The following MPPED2 variants were observed in gnomAD, a reference collection of about 807,000 sequenced individuals.
MPPED2 encodes metallophosphoesterase domain containing 2, also known as metallophosphoesterase MPPED2.
A neutral mutation model predicts 33.0 loss-of-function variants in MPPED2; 5 were observed. That is an observed-to-expected ratio of 0.15 (90% confidence interval 0.08 to 0.32). The LOEUF (loss-of-function observed/expected upper bound fraction) is 0.32, where lower values mean the gene tolerates loss of function less well. Among genes scored for constraint, MPPED2 ranks in the 10% least tolerant of loss-of-function variants. The probability of loss-of-function intolerance (pLI) is 1.00; values close to 1 mark genes in which losing one functional copy is unlikely to be tolerated. For synonymous variants in MPPED2, 136 were observed against 141.9 expected, an observed-to-expected ratio of 0.96 and a Z score of 0.29; for missense variants, 275 against 372.1, an observed-to-expected ratio of 0.74 and a Z score of 2.15.
Position 30,500,792 on chromosome 11 carries a change from G to A in MPPED2, c.311-5271C>T, listed in dbSNP as rs146032572. ...TTATTGACCCAAAGTACCTAGTCCC[G>A]TATCTTCAAAATGGCAGACACACAA... On this transcript the variant is annotated intron_variant, in intron 3 of 6. Coordinates refer to ENST00000358117, the MANE Select transcript of MPPED2 (RefSeq NM_001584.3). 8.7e-3 allele frequency among the ~76,000 whole-genome samples: 1,324 copies of A among 152,208 alleles called. 7 individuals carry two copies. The highest frequency in any genetic ancestry group is 0.024 in the South Asian group (117 of 4,812).
intron 2 of MPPED2, among the ~76,000 whole-genome samples, chr11:30,578,913 T>C (rs1188265739): frequency 6.6e-6 from 1 of 152,164 alleles, no homozygotes; most frequent in Non-Finnish European, 1.5e-5. Context: ...TTAGCGATCC[T>C]TCATAATCAT....
chr11:30,386,658 C>T, exon 7 of MPPED2: 1 of 398,368 alleles, frequency 2.5e-6, no homozygotes, highest in Non-Finnish European at 4.4e-6. Context: ...ATTTGGATCC[C>T]AAATAAATGA....
intron 4 of MPPED2, chr11:30,428,983 T>C (rs1948963005): frequency 6.6e-6 from 1 of 152,190 alleles, no homozygotes; most frequent in South Asian, 2.1e-4. Flanking sequence ...AGGATGTGGA[T>C]ACCAAAGAAT....
chr11:30,500,680 C>T (rs1366555430), intron 3 of MPPED2, among the ~76,000 whole-genome samples: 1 of 152,194 alleles, frequency 6.6e-6, no homozygotes, highest in Non-Finnish European at 1.5e-5. Context: ...TGCACGTTCA[C>T]TATTATTACT....
chr11:30,554,342 T>C (rs1378450450), intron 2 of MPPED2, among the ~76,000 whole-genome samples: 1 of 152,186 alleles, frequency 6.6e-6, no homozygotes, highest in Non-Finnish European at 1.5e-5. Flanking sequence ...TCTGCCTCTT[T>C]CCTGTTGTTA....
chr11:30,456,327 C>T (rs1207113489), intron 4 of MPPED2, among the ~76,000 whole-genome samples: 2 of 152,138 alleles, frequency 1.3e-5, no homozygotes, highest in East Asian at 3.9e-4. Context: ...GGACACATAT[C>T]CTTAACTGAT....
chr11:30,515,263 G>A (rs1191318249), intron 3 of MPPED2, among the ~76,000 whole-genome samples: 1 of 152,158 alleles, frequency 6.6e-6, no homozygotes, highest in African/African-American at 2.4e-5. Flanking sequence ...ATAGGAGTAT[G>A]CAGAATATAT....
At chr11:30,548,874 C>T (rs1365366289) in intron 2 of MPPED2, among the ~76,000 whole-genome samples, 3 of 152,138 alleles carry the variant, frequency 2.0e-5, no homozygotes, top group African/African-American at 7.2e-5. Flanking sequence ...TTTGTTAAAG[C>T]TTGTGCCTCT....
At chr11:30,543,828 C>A (rs1955267392) in intron 2 of MPPED2, among the ~76,000 whole-genome samples, 1 of 117,802 alleles carries the variant, frequency 8.5e-6, no homozygotes. Context: ...AAACTAGGAG[C>A]TGGTAAAATT....
At chr11:30,486,759 T>C (rs7931080) in intron 4 of MPPED2, among the ~76,000 whole-genome samples, 11,792 of 152,228 alleles carry the variant, frequency 0.077, 1,465 homozygotes, top group African/African-American at 0.26. Flanking sequence ...TTTCTGAGTG[T>C]TCAGGAAGAA....
chr11:30,428,756 G>A (rs1235222805), intron 4 of MPPED2, among the ~76,000 whole-genome samples: 1 of 152,156 alleles, frequency 6.6e-6, no homozygotes, highest in East Asian at 1.9e-4. Flanking sequence ...ATACACGTAT[G>A]TTGTGCAGAT....
intron 2 of MPPED2, among the ~76,000 whole-genome samples, chr11:30,542,139 C>G (rs1466741987): frequency 6.6e-6 from 1 of 152,192 alleles, no homozygotes; most frequent in Non-Finnish European, 1.5e-5. Context: ...ATCCTGTGTT[C>G]CACTTCTTTG....
chr11:30,452,931 C>A (rs581066), intron 4 of MPPED2, among the ~76,000 whole-genome samples: 17,700 of 151,880 alleles, frequency 0.12, 1,367 homozygotes, highest in South Asian at 0.24. Context: ...GGAGACATTG[C>A]AGAAAGGGCC....
intron 3 of MPPED2, among the ~76,000 whole-genome samples, chr11:30,505,414 A>G (rs111723939): frequency 1.4e-4 from 22 of 152,288 alleles, no homozygotes; most frequent in African/African-American, 5.3e-4. Context: ...TGCCACCCAA[A>G]TCAACATGGC....
rs572406783 is a variant in MPPED2, at chr11:30,447,891, C to T, written c.537-30258G>A. Among the ~76,000 whole-genome samples, 14 of 152,250 alleles carry T rather than the reference C, an allele frequency of 9.2e-5. No individual in the cohort carries two copies. In the East Asian group the frequency reaches 1.7e-3, roughly 19 times the overall value. ...TACCATCCAGTACTACATTTATGAT[C>T]TTAGGGAGCAGATCCCCTTAAGAAT... is the stretch of plus-strand genomic sequence containing the variant. On this transcript the variant is annotated intron_variant, in intron 4 of 6. Coordinates refer to ENST00000358117, the MANE Select transcript of MPPED2 (RefSeq NM_001584.3).
intron 6 of MPPED2, among the ~76,000 whole-genome samples, chr11:30,396,367 G>GGTTTTTCTTAAATTTTT (rs1947840294): frequency 6.6e-6 from 1 of 152,116 alleles, no homozygotes; most frequent in Non-Finnish European, 1.5e-5. Flanking sequence ...TATACCTGCA[G>GGTTTTTCTTAAATTTTT]TTTTTCTTAA....
At chr11:30,433,254 C>CCA (rs1408458868) in intron 4 of MPPED2, among the ~76,000 whole-genome samples, 1 of 152,162 alleles carries the variant, frequency 6.6e-6, no homozygotes, top group African/African-American at 2.4e-5. Flanking sequence ...GTGAACATTA[C>CCA]CATAGTAAAG....
intron 2 of MPPED2, among the ~76,000 whole-genome samples, chr11:30,545,566 TG>T (rs1955372759): frequency 6.6e-6 from 1 of 152,084 alleles, no homozygotes; most frequent in African/African-American, 2.4e-5. Context: ...TGATGAGAAA[TG>T]GCAGCAGTTT....
At chr11:30,541,034 A>G (rs921519954) in intron 2 of MPPED2, among the ~76,000 whole-genome samples, 2 of 152,328 alleles carry the variant, frequency 1.3e-5, no homozygotes, top group African/African-American at 4.8e-5. Flanking sequence ...GCTGTTCATC[A>G]AAGACAGATG....
Sources: allele counts gnomAD v4.1 joint callset (sites outside exome capture counted in the v4.1 genomes callset), GRCh38; gene constraint gnomAD v4.1.1; transcripts MANE v1.5; gene names NCBI Gene and HGNC (gene_info 2026-07-23, HGNC 2026-07-21).